CNTNAP2: variants seen among roughly 807,000 people sequenced by gnomAD.
The protein encoded by CNTNAP2 is contactin associated protein 2.
CNTNAP2 carries 98 observed loss-of-function variants against 155.2 expected under a neutral mutation model. That is an observed-to-expected ratio of 0.63 (90% CI 0.54 to 0.75). The LOEUF is 0.75. CNTNAP2 is among the 30% of genes least tolerant of loss of function. The pLI is 0.00. For missense variants in CNTNAP2, 1,727 were observed against 1,688.1 expected (o/e 1.02, Z -0.40); for synonymous variants, 651 against 631.2 (o/e 1.03, Z -0.47).
chr7:147,545,519 G>A (rs999416469), intron 11 of CNTNAP2, among the ~76,000 whole-genome samples: 12 of 152,178 alleles, frequency 7.9e-5, no homozygotes, highest in African/African-American at 2.4e-4. Flanking sequence ...CCCATGATTC[G>A]AATAGGTTAT....
At chr7:147,371,841 TATAGTC>T (rs1242620356) in intron 9 of CNTNAP2, among the ~76,000 whole-genome samples, 1 of 152,114 alleles carries the variant, frequency 6.6e-6, no homozygotes, top group African/African-American at 2.4e-5. Context: ...TTTAATAAAA[TATAGTC>T]ATATATATTA....
chr7:146,738,848 T>C (rs931321865), intron 1 of CNTNAP2, among the ~76,000 whole-genome samples: 1 of 151,766 alleles, frequency 6.6e-6, no homozygotes, highest in Non-Finnish European at 1.5e-5. Flanking sequence ...TCTGTTTTTT[T>C]TTTTTCATAA....
At chr7:146,239,040 AAGC>A (rs1799519461) in intron 1 of CNTNAP2, among the ~76,000 whole-genome samples, 1 of 152,192 alleles carries the variant, frequency 6.6e-6, no homozygotes, top group Non-Finnish European at 1.5e-5. Flanking sequence ...TCACATGCTA[AAGC>A]AGCCAATAAT....
rs1339201051 is a variant in CNTNAP2, at chr7:148,417,962, C to T, written c.*2346C>T. On this transcript the variant is annotated 3_prime_UTR_variant, in exon 24 of 24. Transcript: ENST00000361727. ...TCTCACCAAAATTTCAAACCTAGGA[C>T]ACTGGAATGACTGCAGGGATCAGTG... is the stretch of plus-strand genomic sequence containing the variant. 6.6e-6 allele frequency: 1 copy of T among 152,174 alleles called. No homozygotes were observed. The highest frequency in any genetic ancestry group is 6.5e-5 in the Admixed American group (1 of 15,282). The allele number at this position is 152,174 out of a possible 1,614,324, so 9.4% of individuals were successfully genotyped here. A position where few individuals can be genotyped will look rare whatever the true frequency, so the allele number is the denominator to read the frequency against.
chr7:146,590,793 A>G (rs1368398527), intron 1 of CNTNAP2, among the ~76,000 whole-genome samples: 5 of 152,314 alleles, frequency 3.3e-5, no homozygotes, highest in Admixed American at 1.3e-4. Context: ...ATCACACAGC[A>G]TGGTAGGCAG....
At chr7:148,107,280 C>T (rs552330025) in intron 15 of CNTNAP2, among the ~76,000 whole-genome samples, 5 of 152,308 alleles carry the variant, frequency 3.3e-5, no homozygotes, top group African/African-American at 9.6e-5. Context: ...CAGGAAGCAC[C>T]TCAACTGCTT....
At chr7:148,346,426 G>A (rs1032779215) in intron 21 of CNTNAP2, among the ~76,000 whole-genome samples, 1 of 152,080 alleles carries the variant, frequency 6.6e-6, no homozygotes, top group South Asian at 2.1e-4. Flanking sequence ...TGTTTCCAGG[G>A]AACAATTTTC....
intron 21 of CNTNAP2, among the ~76,000 whole-genome samples, chr7:148,335,946 G>C (rs1277624495): frequency 6.6e-6 from 1 of 151,960 alleles, no homozygotes; most frequent in South Asian, 2.1e-4. Context: ...AAACTAAAAG[G>C]CTTAGGAGGA....
chr7:148,089,856 A>G (rs1053745579), intron 15 of CNTNAP2, among the ~76,000 whole-genome samples: 4 of 151,958 alleles, frequency 2.6e-5, no homozygotes, highest in African/African-American at 9.7e-5. Flanking sequence ...GAGAGATATC[A>G]CATGACCTGA....
At chr7:147,776,179 C>T (rs188947422) in intron 13 of CNTNAP2, among the ~76,000 whole-genome samples, 2 of 151,094 alleles carry the variant, frequency 1.3e-5, no homozygotes, top group East Asian at 3.9e-4. Flanking sequence ...AAGGCTATTA[C>T]AACACAAAGA....
chr7:148,338,364 A>T (rs1466052748), intron 21 of CNTNAP2, among the ~76,000 whole-genome samples: 2 of 152,220 alleles, frequency 1.3e-5, no homozygotes, highest in Non-Finnish European at 2.9e-5. Context: ...ATCCAGATGA[A>T]GCAGGCTCTT....
chr7:146,554,279 C>G (rs769191612), intron 1 of CNTNAP2, among the ~76,000 whole-genome samples: 3 of 152,062 alleles, frequency 2.0e-5, no homozygotes, highest in African/African-American at 7.2e-5. Flanking sequence ...TAGCTTCTAA[C>G]GACAGTATTT....
In CNTNAP2 at chr7:147,681,056, G is replaced by A. The variant is rs561879219; in HGVS notation, c.2098+41750G>A. Among the ~76,000 whole-genome samples the A allele has an allele frequency of 2.0e-5, 3 of 152,030 alleles. No individual in the cohort carries two copies. In the East Asian group the frequency reaches 5.8e-4, roughly 29 times the overall value. On this transcript the variant is annotated intron_variant, in intron 13 of 23. Transcript: ENST00000361727. ...AAAGTCCATTTCTGTTCCACATAAA[G>A]AAATTCATTTCAGGTTTTCATAGTC...
chr7:146,959,186 A>G lies in CNTNAP2; in HGVS notation c.403-84721A>G, dbSNP rs565708345. Among the ~76,000 whole-genome samples the G allele has an allele frequency of 6.6e-5, 10 of 151,842 alleles. No homozygotes were observed. The East Asian group carries it at 1.6e-3, about 24-fold the overall frequency. On this transcript the variant is annotated intron_variant, in intron 3 of 23. Coordinates refer to ENST00000361727, the MANE Select transcript of CNTNAP2 (RefSeq NM_014141.6). Reference sequence around the variant, plus strand: ...AGGCACCCACCACCACGCCTGGCTAATTTTTGTATTTTTAGTACAGACAGC... The same window carrying G: ...AGGCACCCACCACCACGCCTGGCTAGTTTTTGTATTTTTAGTACAGACAGC...
At chr7:148,301,149 CTG>C (rs1166426841) in intron 21 of CNTNAP2, among the ~76,000 whole-genome samples, 1 of 151,832 alleles carries the variant, frequency 6.6e-6, no homozygotes, top group African/African-American at 2.4e-5. Context: ...CAAAAATTGG[CTG>C]GGCATGGTGG....
At chr7:146,465,129 A>G (rs1796699378) in intron 1 of CNTNAP2, among the ~76,000 whole-genome samples, 1 of 151,932 alleles carries the variant, frequency 6.6e-6, no homozygotes, top group Non-Finnish European at 1.5e-5. Context: ...ACATACACAC[A>G]CACACCACAC....
intron 1 of CNTNAP2, among the ~76,000 whole-genome samples, chr7:146,398,886 T>C (rs1795673143): frequency 1.3e-5 from 2 of 151,946 alleles, no homozygotes; most frequent in Admixed American, 1.3e-4. Context: ...TTTTTTAAAA[T>C]ACTTAATATT....
chr7:146,210,397 G>A (rs1218717579), intron 1 of CNTNAP2, among the ~76,000 whole-genome samples: 5 of 152,190 alleles, frequency 3.3e-5, no homozygotes, highest in East Asian at 1.9e-4. Context: ...TCCGCCTCCC[G>A]GGTTCAAGTG....
chr7:146,936,725 A>C lies in CNTNAP2; in HGVS notation c.402+96821A>C, dbSNP rs1010187203. Among the ~76,000 whole-genome samples, 3 of 152,200 alleles carry C rather than the reference A, an allele frequency of 2.0e-5. No homozygotes were observed. In the East Asian group the frequency reaches 5.8e-4, roughly 29 times the overall value. On this transcript the variant is annotated intron_variant, in intron 3 of 23. Coordinates refer to ENST00000361727, the MANE Select transcript of CNTNAP2 (RefSeq NM_014141.6). ...CCCAGCAGCCATACTTCAACCAGTC[A>C]TAGACTGCTGAGTGTTTAAACTGTG...
Sources: allele counts gnomAD v4.1 joint callset (sites outside exome capture counted in the v4.1 genomes callset), GRCh38; gene constraint gnomAD v4.1.1; transcripts MANE v1.5; gene names NCBI Gene and HGNC (gene_info 2026-07-23, HGNC 2026-07-21).